Variants in PRKCSH observed in about 807,000 individuals in gnomAD.
The protein encoded by PRKCSH is glucosidase 2 subunit beta.
Under a neutral mutation model 79.7 loss-of-function variants are expected in PRKCSH, and 42 were observed. The observed-to-expected ratio is 0.53, with a 90% confidence interval of 0.41 to 0.68. The LOEUF is 0.68. Among genes scored for constraint, PRKCSH ranks in the 30% least tolerant of loss-of-function variants. The probability of loss-of-function intolerance (pLI) is 0.00; values close to 1 mark genes in which losing one functional copy is unlikely to be tolerated. For synonymous variants in PRKCSH, 325 were observed against 288.2 expected (o/e 1.13, Z -1.29); for missense variants, 686 against 709.0 (o/e 0.97, Z 0.37).
In PRKCSH at chr19:11,443,526, C is replaced by T. The variant is rs569797134; in HGVS notation, c.598+1011C>T. Among the ~76,000 whole-genome samples, 15 of 147,166 alleles carry T rather than the reference C, an allele frequency of 1.0e-4. 1 individual carries two copies. The highest frequency in any genetic ancestry group is 6.8e-4 in the Admixed American group (10 of 14,626). ...GCGCCCCTATATTCCAGCCTGGCAA[C>T]AGAGTGAGACTCCGTCTCAAAAAAA... On this transcript the variant is annotated intron_variant, in intron 7 of 17. Coordinates refer to ENST00000677123, the MANE Select transcript of PRKCSH (RefSeq NM_001289104.2).
intron 5 of PRKCSH, among the ~76,000 whole-genome samples, chr19:11,440,240 C>T (rs1440155521): frequency 1.3e-5 from 2 of 150,996 alleles, no homozygotes; most frequent in Non-Finnish European, 3.0e-5. Flanking sequence ...CTCCGCTTCC[C>T]GAGTTCATGC....
Position 11,445,416 on chromosome 19 carries a change from A to G in PRKCSH, c.626A>G (p.Gln209Arg). ...CAGCTGGCTGCTGCCAAGGCCCAACAGGAGCAGGAGCTGGCGGCTGATGCC... is the reference window on the plus strand; with the variant it reads ...CAGCTGGCTGCTGCCAAGGCCCAACGGGAGCAGGAGCTGGCGGCTGATGCC... Reference protein sequence around the residue: ...EEQLAAAKAQQEQELAADAFK... With the variant: ...EEQLAAAKAQREQELAADAFK... Residue 209 changes from glutamine to arginine, a missense_variant, in exon 8 of 18, where the codon CAG becomes CGG. Coordinates refer to ENST00000677123, the MANE Select transcript of PRKCSH (RefSeq NM_001289104.2). 1.2e-6 allele frequency: 2 copies of G among 1,614,060 alleles called. No homozygotes were observed. Among genetic ancestry groups the G allele is most frequent in the Non-Finnish European group, 1.7e-6 (2 of 1,180,022 alleles).
intron 6 of PRKCSH, 38 bp from the exon 7 acceptor site, chr19:11,442,348 A>G (rs748358013): frequency 9.6e-6 from 15 of 1,557,142 alleles, no homozygotes; most frequent in Non-Finnish European, 1.3e-5. Context: ...AGGAGGCAGA[A>G]CAGAGGAGAG....
chr19:11,437,951 G>C lies in PRKCSH; in HGVS notation c.272G>C (p.Arg91Pro), dbSNP rs1190901969. 1.9e-6 allele frequency: 3 copies of C among 1,614,014 alleles called. No individual in the cohort carries two copies. The highest frequency in any genetic ancestry group is 1.7e-5 in the Admixed American group (1 of 59,984). The change falls in exon 4 of 18, where the codon CGG becomes CCG. Residue 91 changes from arginine (R) to proline (P), a missense_variant. Arg to Pro is a moderately radical substitution (Grantham distance 103). Coordinates refer to ENST00000677123, the MANE Select transcript of PRKCSH (RefSeq NM_001289104.2). Reference sequence around the variant, plus strand: ...AAGCCCCTGTATATCCCCTCCAACCGGGTCAACGATGGTGTTTGTGGTAAG... The same window carrying C: ...AAGCCCCTGTATATCCCCTCCAACCCGGTCAACGATGGTGTTTGTGGTAAG... ...GYKPLYIPSN[R>P]VNDGVCDCCD... is the part of the protein sequence containing the mutation.
rs747954897 is a variant in PRKCSH at position 11,447,801 on chromosome 19, C to A, written c.1126+12C>A. On this transcript the variant is annotated intron_variant, in intron 12 of 17. Transcript: ENST00000677123. This position sits in a 1 kb window ranked among gnomAD's most constrained non-coding sequence, Gnocchi z 5.6. ...GGCCTTCATCGATGGTGAGGGTGGG[C>A]GGGGGCCAGGCTCCTCGGGTGGGCC... The A allele has an allele frequency of 1.3e-6, 2 of 1,550,766 alleles. No homozygotes were observed. Among genetic ancestry groups the A allele is most frequent in the Non-Finnish European group, 1.7e-6 (2 of 1,147,480 alleles).
At chr19:11,446,987 G>T in intron 9 of PRKCSH, 87 bp from the exon 10 acceptor site, 1 of 1,417,828 alleles carries the variant, frequency 7.1e-7, no homozygotes, top group Non-Finnish European at 1.0e-6. Context: ...GCCCTCCCGT[G>T]CCTGGCACCG....
At position 11,448,686 on chromosome 19, in the gene PRKCSH, G is replaced by C; in HGVS notation, c.1286+57G>C. On this transcript the variant is annotated intron_variant, in intron 14 of 17. Coordinates refer to ENST00000677123, the MANE Select transcript of PRKCSH (RefSeq NM_001289104.2). This position sits in a 1 kb window ranked among gnomAD's most constrained non-coding sequence, Gnocchi z 4.4. ...GCAGGGTGGGAGGCGGGTGGCCCCG[G>C]AAGTGGCACCGGCAGTTTCCTGATG... The C allele has an allele frequency of 2.6e-6, 4 of 1,527,088 alleles. No homozygotes were observed. The highest frequency in any genetic ancestry group is 2.2e-5 in the East Asian group (1 of 44,458). The allele number at this position is 1,527,088 out of a possible 1,614,324, so 94.6% of individuals were successfully genotyped here. A position where few individuals can be genotyped will look rare whatever the true frequency, so the allele number is the denominator to read the frequency against.
intron 17 of PRKCSH, chr19:11,450,300 C>T (rs552462597): frequency 6.7e-6 from 1 of 149,398 alleles, no homozygotes; most frequent in East Asian, 2.1e-4. Context: ...TGGTGTAAAA[C>T]CCCATCTCTA....
At chr19:11,446,651 T>A (rs1025540414) in intron 9 of PRKCSH, among the ~76,000 whole-genome samples, 1 of 62,628 alleles carries the variant, frequency 1.6e-5, no homozygotes, top group Non-Finnish European at 3.0e-5. Flanking sequence ...CCTCGTCCCC[T>A]GTCTGTCTCC....
chr19:11,450,024 T>G (rs1254529929), intron 17 of PRKCSH: 3 of 158,278 alleles, frequency 1.9e-5, no homozygotes, highest in Admixed American at 1.2e-4. Flanking sequence ...TTTTGTATTT[T>G]TAGTAGAGAT....
In PRKCSH at chr19:11,449,036, C is replaced by T. The variant is rs200805088; in HGVS notation, c.1362-40C>T. 3.6e-5 allele frequency: 58 copies of T among 1,612,814 alleles called. No individual in the cohort carries two copies. The highest frequency in any genetic ancestry group is 5.3e-5 in the African/African-American group (4 of 74,928). On this transcript the variant is annotated intron_variant, in intron 15 of 17. Coordinates refer to ENST00000677123, the MANE Select transcript of PRKCSH (RefSeq NM_001289104.2). This position sits in a 1 kb window ranked among gnomAD's most constrained non-coding sequence, Gnocchi z 6.4. Reference sequence around the variant, plus strand: ...TTCCCTCTGCCTCCTCCTGGTGCCCCGACACCGGCCCAGCCCTCAGCACCC... The same window carrying T: ...TTCCCTCTGCCTCCTCCTGGTGCCCTGACACCGGCCCAGCCCTCAGCACCC...
In PRKCSH at chr19:11,448,729, G is replaced by A. The variant is rs1175600812; in HGVS notation, c.1286+100G>A. 1.9e-5 allele frequency: 26 copies of A among 1,377,380 alleles called. No individual in the cohort carries two copies. The highest frequency in any genetic ancestry group is 2.6e-5 in the Non-Finnish European group (25 of 969,676). The allele number at this position is 1,377,380 out of a possible 1,614,324, so 85.3% of individuals were successfully genotyped here. ...TCCTGATGGTTGGGGAACCATCTGC[G>A]GGTGGGGCCCGAGAGTGCTGCCTTC... is the stretch of plus-strand genomic sequence containing the variant. On this transcript the variant is annotated intron_variant, in intron 14 of 17. Transcript: ENST00000677123. This position sits in a 1 kb window ranked among gnomAD's most constrained non-coding sequence, Gnocchi z 4.4.
At position 11,447,985 on chromosome 19, in the gene PRKCSH, TC is replaced by T; in HGVS notation, c.1126+200del. ...GCCAGCCCCAAGGGGCCCTTCTGCC[TC>T]CCCAAGGGCCGCAGCTTGTTTGTGT... On this transcript the variant is annotated intron_variant, in intron 12 of 17. Coordinates refer to ENST00000677123, the MANE Select transcript of PRKCSH (RefSeq NM_001289104.2). This position sits in a 1 kb window ranked among gnomAD's most constrained non-coding sequence, Gnocchi z 5.6. 1 of 769,368 alleles carries T rather than the reference TC, an allele frequency of 1.3e-6. No homozygotes were observed. The highest frequency in any genetic ancestry group is 2.1e-6 in the Non-Finnish European group (1 of 484,654). 47.7% of individuals were successfully genotyped at this position (769,368 alleles called of 1,614,324 possible).
rs1970404119 is a variant in PRKCSH, at chr19:11,448,027, T to G, written c.1127-195T>G. ...TTGTTTGTGTCACTCCTGGCCCCACTCGCTCAGGAGCTGGGAGCCTGGGCA... is the reference window on the plus strand; with the variant it reads ...TTGTTTGTGTCACTCCTGGCCCCACGCGCTCAGGAGCTGGGAGCCTGGGCA... On this transcript the variant is annotated intron_variant, in intron 12 of 17. Coordinates refer to ENST00000677123, the MANE Select transcript of PRKCSH (RefSeq NM_001289104.2). The surrounding 1 kb of genome is among the most constrained non-coding windows in gnomAD (Gnocchi z 4.4). 6.6e-6 allele frequency: 5 copies of G among 757,436 alleles called. No individual in the cohort carries two copies. Among genetic ancestry groups the G allele is most frequent in the Non-Finnish European group, 1.1e-5 (5 of 459,618 alleles). 46.9% of individuals were successfully genotyped at this position (757,436 alleles called of 1,614,324 possible).
rs779928151 is a variant in PRKCSH, at chr19:11,446,262, G to A, written c.684-10G>A. Reference sequence around the variant, plus strand: ...CACCCCTCCAGTCTGCTTCTGCCACGCCCCCGCAGGGTCTCGGTGACTGAG... The same window carrying A: ...CACCCCTCCAGTCTGCTTCTGCCACACCCCCGCAGGGTCTCGGTGACTGAG... On this transcript the variant is annotated splice_polypyrimidine_tract_variant and intron_variant, in intron 8 of 17. Coordinates refer to ENST00000677123, the MANE Select transcript of PRKCSH (RefSeq NM_001289104.2). 18 of 1,612,964 alleles carry A rather than the reference G, an allele frequency of 1.1e-5. No individual in the cohort carries two copies. Among genetic ancestry groups the A allele is most frequent in the Middle Eastern group, 1.7e-4 (1 of 5,994 alleles).
rs1184077266 is a variant in PRKCSH at position 11,450,856 on chromosome 19, C to G, written c.*227C>G. 6.6e-6 allele frequency: 1 copy of G among 152,398 alleles called. No individual in the cohort carries two copies. The highest frequency in any genetic ancestry group is 1.5e-5 in the Non-Finnish European group (1 of 68,176). The allele number at this position is 152,398 out of a possible 1,614,324, so 9.4% of individuals were successfully genotyped here. A position where few individuals can be genotyped will look rare whatever the true frequency, so the allele number is the denominator to read the frequency against. On this transcript the variant is annotated 3_prime_UTR_variant, in exon 18 of 18. Transcript: ENST00000677123. ...AGCTTGCCCTCCCTGGGCCCCCCAC[C>G]TTGGTGACTCGCCCCACCACCCCCA...
Position 11,447,544 on chromosome 19 carries a change from GA to G in PRKCSH, c.956del (p.Glu319GlyfsTer73). On this transcript the variant is annotated frameshift_variant, in exon 11 of 18. Transcript: ENST00000677123. LOFTEE classifies it high-confidence loss of function. The surrounding 1 kb of genome is among the most constrained non-coding windows in gnomAD (Gnocchi z 5.6). ...SSPTEEEEEE[E>X]EEEEEEAEEE... is the part of the protein sequence containing the mutation. ...GCCCACAGAGGAGGAGGAGGAGGAGGAGGAGGAGGAGGAAGAAGAGGCTGAA... is the reference window on the plus strand; with the variant it reads ...GCCCACAGAGGAGGAGGAGGAGGAGGGGAGGAGGAGGAAGAAGAGGCTGAA... The G allele has an allele frequency of 1.9e-6, 3 of 1,605,460 alleles. No homozygotes were observed. Among genetic ancestry groups the G allele is most frequent in the Non-Finnish European group, 2.6e-6 (3 of 1,175,016 alleles).
rs1465953892 is a variant in PRKCSH at position 11,447,798 on chromosome 19, G to A, written c.1126+9G>A. 1.9e-6 allele frequency: 3 copies of A among 1,558,590 alleles called. No individual in the cohort carries two copies. The highest frequency in any genetic ancestry group is 1.7e-6 in the Non-Finnish European group (2 of 1,152,888). On this transcript the variant is annotated intron_variant, in intron 12 of 17. Transcript: ENST00000677123. The surrounding 1 kb of genome is among the most constrained non-coding windows in gnomAD (Gnocchi z 5.6). The stretch of plus-strand genomic sequence containing the variant: ...GCAGGCCTTCATCGATGGTGAGGGT[G>A]GGCGGGGGCCAGGCTCCTCGGGTGG...
Position 11,447,142 on chromosome 19 carries a change from G to A in PRKCSH, c.831G>A (p.Arg277=). 6.2e-7 allele frequency: 1 copy of A among 1,613,988 alleles called. No individual in the cohort carries two copies. Among genetic ancestry groups the A allele is most frequent in the African/African-American group, 1.3e-5 (1 of 75,044 alleles). ...SFYDRVWAAI[R]DKYRSEALPT... is the part of the protein sequence containing the mutation. ...ACGACCGCGTCTGGGCCGCCATCAG[G>A]GACAAGTACCGGTCCGAGGTCAGTG... is the stretch of plus-strand genomic sequence containing the variant. The change falls in exon 10 of 18, where the codon AGG becomes AGA. Residue 277 remains arginine (R), a synonymous_variant. Coordinates refer to ENST00000677123, the MANE Select transcript of PRKCSH (RefSeq NM_001289104.2). The surrounding 1 kb of genome is among the most constrained non-coding windows in gnomAD (Gnocchi z 5.6).
Sources: allele counts gnomAD v4.1 joint callset (sites outside exome capture counted in the v4.1 genomes callset), GRCh38; gene constraint gnomAD v4.1.1; non-coding constraint Gnocchi (gnomAD v3.1); transcripts MANE v1.5; gene names NCBI Gene and HGNC (gene_info 2026-07-23, HGNC 2026-07-21).